PTPRM: variants seen among roughly 807,000 people sequenced by gnomAD.
The protein encoded by PTPRM is protein tyrosine phosphatase receptor type M.
Under a neutral mutation model 186.7 loss-of-function variants are expected in PTPRM, and 47 were observed. The observed-to-expected ratio is 0.25, with a 90% confidence interval of 0.20 to 0.32. The LOEUF is 0.32. PTPRM is among the 10% of genes least tolerant of loss of function. The pLI is 1.00. For synonymous variants in PTPRM, 668 were observed against 674.9 expected (o/e 0.99, Z 0.16); for missense variants, 1,494 against 1,865.0 (o/e 0.80, Z 3.66).
chr18:7,832,482 A>G (rs542140690), intron 2 of PTPRM, among the ~76,000 whole-genome samples: 35 of 152,090 alleles, frequency 2.3e-4, no homozygotes, highest in African/African-American at 7.9e-4. Flanking sequence ...TATTTTTCCT[A>G]TAGAGTTGTT....
intron 1 of PTPRM, among the ~76,000 whole-genome samples, chr18:7,580,221 T>C (rs60348005): frequency 0.026 from 3,964 of 152,226 alleles, 96 homozygotes; most frequent in East Asian, 0.12. Context: ...CAAAAGAGAA[T>C]GAGACTTGGA....
chr18:7,695,593 G>A (rs577670669), intron 1 of PTPRM, among the ~76,000 whole-genome samples: 1 of 152,310 alleles, frequency 6.6e-6, no homozygotes, highest in South Asian at 2.1e-4. Context: ...AAATGCTCTT[G>A]TCTGTTTTTG....
At chr18:7,617,877 T>C (rs1036556059) in intron 1 of PTPRM, among the ~76,000 whole-genome samples, 9 of 152,176 alleles carry the variant, frequency 5.9e-5, no homozygotes, top group Admixed American at 5.2e-4. Context: ...TACCTACTCT[T>C]GGTCTGGGAG....
chr18:8,309,885 T>C (rs1317047664), intron 20 of PTPRM, among the ~76,000 whole-genome samples: 1 of 152,134 alleles, frequency 6.6e-6, no homozygotes, highest in Non-Finnish European at 1.5e-5. Context: ...GATAACCATA[T>C]ATAAGAGCAC....
intron 24 of PTPRM, among the ~76,000 whole-genome samples, chr18:8,373,127 G>T (rs116271036): frequency 1.3e-5 from 2 of 152,158 alleles, no homozygotes; most frequent in Non-Finnish European, 2.9e-5. Context: ...TTTTCTAACC[G>T]GGCAATTGGA....
intron 7 of PTPRM, among the ~76,000 whole-genome samples, chr18:7,975,692 C>G (rs1334543565): frequency 6.6e-6 from 1 of 152,186 alleles, no homozygotes; most frequent in African/African-American, 2.4e-5. Context: ...TACAAATACT[C>G]TCATTGTGTT....
intron 19 of PTPRM, among the ~76,000 whole-genome samples, chr18:8,259,128 T>C (rs7234873): frequency 0.014 from 2,136 of 152,258 alleles, 19 homozygotes; most frequent in Middle Eastern, 0.037. Context: ...TTTGTATTTT[T>C]AGTAGAGATG....
chr18:8,284,156 C>T (rs1050181662), intron 19 of PTPRM, among the ~76,000 whole-genome samples: 1 of 152,142 alleles, frequency 6.6e-6, no homozygotes, highest in Non-Finnish European at 1.5e-5. Flanking sequence ...GTTTGCATTT[C>T]AAAATTGACC....
At chr18:7,780,378 A>G (rs1273865325) in intron 2 of PTPRM, among the ~76,000 whole-genome samples, 1 of 152,146 alleles carries the variant, frequency 6.6e-6, no homozygotes, top group Admixed American at 6.5e-5. Context: ...ACCCTTATGT[A>G]TTCTCTTCAC....
chr18:7,940,451 G>A (rs138617116), intron 5 of PTPRM, among the ~76,000 whole-genome samples: 21 of 152,314 alleles, frequency 1.4e-4, no homozygotes, highest in African/African-American at 4.8e-4. Context: ...TTAGGCGTCA[G>A]GTTAGGCCTC....
intron 1 of PTPRM, among the ~76,000 whole-genome samples, chr18:7,574,661 G>A (rs1297734940): frequency 6.6e-6 from 1 of 152,238 alleles, no homozygotes; most frequent in Non-Finnish European, 1.5e-5. Context: ...GTTAGTAGAT[G>A]TAAGATTTGG....
intron 2 of PTPRM, among the ~76,000 whole-genome samples, chr18:7,835,746 C>T (rs1463908255): frequency 1.3e-5 from 2 of 152,054 alleles, no homozygotes; most frequent in Non-Finnish European, 2.9e-5. Flanking sequence ...TATCTGGGTA[C>T]TTCAATGTTG....
intron 7 of PTPRM, among the ~76,000 whole-genome samples, chr18:7,958,859 T>A (rs1423075048): frequency 6.6e-6 from 1 of 152,176 alleles, no homozygotes; most frequent in African/African-American, 2.4e-5. Context: ...ACTGACTCAC[T>A]CTGAGATTTC....
chr18:8,398,840 T>C (rs1365330635), intron 32 of PTPRM, among the ~76,000 whole-genome samples: 5 of 151,086 alleles, frequency 3.3e-5, no homozygotes, highest in East Asian at 1.9e-4. Context: ...GTCTGTGAAA[T>C]GTTCAAAACA....
chr18:8,206,967 G>A (rs746555289), intron 14 of PTPRM, among the ~76,000 whole-genome samples: 1 of 152,292 alleles, frequency 6.6e-6, no homozygotes, highest in South Asian at 2.1e-4. Context: ...GAACATCTGG[G>A]CCACCAGAAG....
At chr18:7,572,424 TCAA>T (rs2143354437) in intron 1 of PTPRM, among the ~76,000 whole-genome samples, 1 of 152,332 alleles carries the variant, frequency 6.6e-6, no homozygotes, top group South Asian at 2.1e-4. Context: ...TCTAGAAAAG[TCAA>T]TACCTTTATT....
chr18:8,296,357 T>G lies in PTPRM; in HGVS notation c.2755-11T>G. Reference sequence around the variant, plus strand: ...GCCAAATTGTAATTCTCAGTCTCACTTTCCTTCTAGAGCTTCTTTGAAGGG... The same window carrying G: ...GCCAAATTGTAATTCTCAGTCTCACGTTCCTTCTAGAGCTTCTTTGAAGGG... On this transcript the variant is annotated splice_polypyrimidine_tract_variant and intron_variant, in intron 19 of 32. Transcript: ENST00000580170. The G allele has an allele frequency of 6.3e-7, 1 of 1,575,616 alleles. No homozygotes were observed. Among genetic ancestry groups the G allele is most frequent in the Non-Finnish European group, 8.7e-7 (1 of 1,145,190 alleles).
At chr18:8,315,424 A>T (rs1452131511) in intron 21 of PTPRM, among the ~76,000 whole-genome samples, 1 of 152,222 alleles carries the variant, frequency 6.6e-6, no homozygotes, top group East Asian at 1.9e-4. Flanking sequence ...TAATTATTGA[A>T]GACTGCCTCT....
intron 19 of PTPRM, among the ~76,000 whole-genome samples, chr18:8,290,898 A>T (rs2095035443): frequency 6.6e-6 from 1 of 152,208 alleles, no homozygotes; most frequent in Non-Finnish European, 1.5e-5. Context: ...TGTTTTTTTC[A>T]TAATAGGAAG....
Sources: gnomAD v4.1 joint callset for allele counts (sites outside exome capture counted in the v4.1 genomes callset) on GRCh38, gnomAD v4.1.1 for gene constraint, MANE v1.5 for transcripts, NCBI Gene and HGNC (gene_info 2026-07-23, HGNC 2026-07-21) for gene names.